KCNN1: variants seen among roughly 807,000 people sequenced by gnomAD.
KCNN1 encodes potassium calcium-activated channel subfamily N member 1.
A neutral mutation model predicts 44.7 loss-of-function variants in KCNN1; 20 were observed. That is an observed-to-expected ratio of 0.45 (90% confidence interval 0.32 to 0.65). The LOEUF (loss-of-function observed/expected upper bound fraction) is 0.65. Among genes scored for constraint, KCNN1 ranks in the 30% least tolerant of loss-of-function variants. The pLI is 0.05. For missense variants in KCNN1, 632 were observed against 785.3 expected, an observed-to-expected ratio of 0.80 and a Z score of 2.33; for synonymous variants, 324 against 341.7, an observed-to-expected ratio of 0.95 and a Z score of 0.57.
At chr19:17,963,325 T>C (rs2031727903), upstream of KCNN1, among the ~76,000 whole-genome samples, 1 of 148,554 alleles carries the variant, frequency 6.7e-6, no homozygotes, top group Non-Finnish European at 1.5e-5. Context: ...CTTTTTTTTT[T>C]TTTTTGAGAT....
intron 3 of KCNN1, among the ~76,000 whole-genome samples, chr19:17,975,551 G>A (rs1305680660): frequency 6.6e-6 from 1 of 151,868 alleles, no homozygotes; most frequent in Non-Finnish European, 1.5e-5. Context: ...CTCCCGAGTA[G>A]CTGGGATTAC....
intron 9 of KCNN1, among the ~76,000 whole-genome samples, chr19:17,997,797 C>A (rs937892481): frequency 1.1e-4 from 16 of 151,952 alleles, no homozygotes; most frequent in African/African-American, 3.9e-4. Flanking sequence ...GCATTTAAGA[C>A]CTGTCTTTTA....
At chr19:17,961,449 G>A (rs1192625950) in intron 2 of KCNN1, among the ~76,000 whole-genome samples, 10 of 151,878 alleles carry the variant, frequency 6.6e-5, no homozygotes, top group Admixed American at 6.6e-4. Flanking sequence ...AGAAACAGGA[G>A]AATCTCTTAA....
intron 1 of KCNN1, among the ~76,000 whole-genome samples, chr19:17,973,176 C>A (rs2032082405): frequency 6.6e-6 from 1 of 152,110 alleles, no homozygotes; most frequent in Non-Finnish European, 1.5e-5. Context: ...GTTATGTTGT[C>A]CAGGCTGGAT....
At chr19:17,961,774 G>T (rs2031687469) in intron 2 of KCNN1, among the ~76,000 whole-genome samples, 1 of 152,038 alleles carries the variant, frequency 6.6e-6, no homozygotes, top group African/African-American at 2.4e-5. Flanking sequence ...GTAGAAACAG[G>T]GTTTCACCAT....
chr19:17,973,414 G>C (rs2032090930), intron 1 of KCNN1, among the ~76,000 whole-genome samples: 1 of 152,238 alleles, frequency 6.6e-6, no homozygotes. Flanking sequence ...CCACGCAGCT[G>C]GGACTACAGG....
upstream of KCNN1, among the ~76,000 whole-genome samples, chr19:17,963,829 G>A (rs1205741259): frequency 1.3e-5 from 2 of 151,756 alleles, no homozygotes; most frequent in Middle Eastern, 3.2e-3. Flanking sequence ...GGGCTCGAGC[G>A]ATCTTCCTGC....
chr19:17,998,047 A>C lies in KCNN1; in HGVS notation c.1378-105A>C. On this transcript the variant is annotated intron_variant, in intron 9 of 9. Transcript: ENST00000684775. This position sits in a 1 kb window ranked among gnomAD's most constrained non-coding sequence, Gnocchi z 5.4. The stretch of plus-strand genomic sequence containing the variant: ...CGGGCCCCATTAGTGGCTGGCACCC[A>C]CCTGGAGCGTGTGGGCTGTCCCTCT... 2.3e-6 allele frequency: 3 copies of C among 1,331,940 alleles called. No individual in the cohort carries two copies. Among genetic ancestry groups the C allele is most frequent in the Non-Finnish European group, 3.0e-6 (3 of 1,001,916 alleles). 82.5% of individuals were successfully genotyped at this position (1,331,940 alleles called of 1,614,324 possible). A position where few individuals can be genotyped will look rare whatever the true frequency, so the allele number is the denominator to read the frequency against.
chr19:17,988,894 G>C lies in KCNN1; in HGVS notation c.1170+369G>C, dbSNP rs2032693408. 2.0e-5 allele frequency among the ~76,000 whole-genome samples: 3 copies of C among 150,238 alleles called. No homozygotes were observed. The South Asian group carries it at 6.3e-4, about 32-fold the overall frequency. ...CCACTGCACTCGAACCTGGGTGACA[G>C]AGCAAGACTCCGTTTAAAAAAAAAA... is the stretch of plus-strand genomic sequence containing the variant. On this transcript the variant is annotated intron_variant, in intron 6 of 9. Transcript: ENST00000684775.
At chr19:17,981,223 C>T (rs953044506) in intron 3 of KCNN1, among the ~76,000 whole-genome samples, 9 of 151,750 alleles carry the variant, frequency 5.9e-5, no homozygotes, top group Non-Finnish European at 1.3e-4. Flanking sequence ...ACAGCCTGTG[C>T]GACAGAGTGA....
intron 3 of KCNN1, among the ~76,000 whole-genome samples, chr19:17,980,474 G>C (rs1034180143): frequency 6.6e-6 from 1 of 152,000 alleles, no homozygotes; most frequent in African/African-American, 2.4e-5. Context: ...TCTTGAGTCT[G>C]TCTAGGAGTG....
chr19:17,975,251 C>A, intron 3 of KCNN1, 64 bp downstream of exon 3: 1 of 1,133,992 alleles, frequency 8.8e-7, no homozygotes, highest in Non-Finnish European at 1.3e-6. Context: ...CCACACCAGC[C>A]CACCTTAGAC....
rs535617028 is a variant in KCNN1 at position 17,973,556 on chromosome 19, C to T, written c.-81-252C>T. Among the ~76,000 whole-genome samples the T allele has an allele frequency of 2.4e-4, 37 of 152,326 alleles. No homozygotes were observed. In the South Asian group the frequency reaches 7.2e-3, roughly 30 times the overall value. On this transcript the variant is annotated intron_variant, in intron 1 of 9. Coordinates refer to ENST00000684775, the MANE Select transcript of KCNN1 (RefSeq NM_001386974.1). ...TTGGCCTCCTAAGTAGCTGCAATTACCAGAGCTGCACCACCATGCCCGGCT... is the reference window on the plus strand; with the variant it reads ...TTGGCCTCCTAAGTAGCTGCAATTATCAGAGCTGCACCACCATGCCCGGCT...
At chr19:17,968,680 A>C (rs1035188368) in intron 1 of KCNN1, among the ~76,000 whole-genome samples, 1 of 151,988 alleles carries the variant, frequency 6.6e-6, no homozygotes, top group Non-Finnish European at 1.5e-5. Context: ...AAGAGCTCTC[A>C]TGGGTCCCCC....
At chr19:17,995,669 TC>T (rs1287429763) in intron 9 of KCNN1, among the ~76,000 whole-genome samples, 1 of 152,146 alleles carries the variant, frequency 6.6e-6, no homozygotes, top group African/African-American at 2.4e-5. Context: ...CACTGCAGCC[TC>T]CATCTCCTAG....
chr19:17,957,050 A>AAAAAC (rs1177815344), intron 2 of KCNN1, among the ~76,000 whole-genome samples: 3 of 151,150 alleles, frequency 2.0e-5, no homozygotes, highest in Non-Finnish European at 2.9e-5. Flanking sequence ...GACTGTCTCA[A>AAAAAC]AAAACAAAAC....
Position 17,983,428 on chromosome 19 carries a change from C to T in KCNN1, c.917+1301C>T, listed in dbSNP as rs754841903. 1.3e-5 allele frequency among the ~76,000 whole-genome samples: 2 copies of T among 152,146 alleles called. No homozygotes were observed. Among genetic ancestry groups the T allele is most frequent in the Non-Finnish European group, 2.9e-5 (2 of 67,992 alleles). On this transcript the variant is annotated intron_variant, in intron 4 of 9. Coordinates refer to ENST00000684775, the MANE Select transcript of KCNN1 (RefSeq NM_001386974.1). The surrounding 1 kb of genome is among the most constrained non-coding windows in gnomAD (Gnocchi z 4.5). Reference sequence around the variant, plus strand: ...GCCTGGCTCTCAGGGATGAAAGGCCCAGTTTCTCTGGCTGTTAAGGCTTCC... The same window carrying T: ...GCCTGGCTCTCAGGGATGAAAGGCCTAGTTTCTCTGGCTGTTAAGGCTTCC...
At chr19:17,994,408 C>T (rs965871820) in intron 9 of KCNN1, among the ~76,000 whole-genome samples, 2 of 150,252 alleles carry the variant, frequency 1.3e-5, no homozygotes, top group African/African-American at 2.5e-5. Flanking sequence ...GATCACTCTG[C>T]TGCACTCTAG....
chr19:17,971,607 C>T (rs1013517667), intron 1 of KCNN1, among the ~76,000 whole-genome samples: 21 of 152,080 alleles, frequency 1.4e-4, no homozygotes, highest in Middle Eastern at 3.4e-3. Flanking sequence ...GGATTACAGG[C>T]ATGGGCCACC....
Sources: gnomAD v4.1 joint callset for allele counts (sites outside exome capture counted in the v4.1 genomes callset) on GRCh38, gnomAD v4.1.1 for gene constraint, Gnocchi (gnomAD v3.1) non-coding constraint, MANE v1.5 for transcripts, NCBI Gene and HGNC (gene_info 2026-07-23, HGNC 2026-07-21) for gene names.